Variants in MID1 observed in about 807,000 individuals in gnomAD.
The protein encoded by MID1 is E3 ubiquitin-protein ligase Midline-1.
Under a neutral mutation model 40.4 loss-of-function variants are expected in MID1, and 7 were observed. The ratio of observed to expected loss-of-function variants is 0.17; its 90% CI spans 0.10 to 0.33. MID1 has a LOEUF of 0.33. Among genes scored for constraint, MID1 ranks in the 10% least tolerant of loss-of-function variants. MID1 has a pLI of 1.00. For missense variants in MID1, 367 were observed against 558.5 expected, an observed-to-expected ratio of 0.66 and a Z score of 3.46; for synonymous variants, 229 against 221.2, an observed-to-expected ratio of 1.04 and a Z score of -0.31.
intron 1 of MID1, among the ~76,000 whole-genome samples, chrX:10,777,857 A>G (rs991220587): frequency 8.9e-6 from 1 of 111,773 alleles, no homozygotes; most frequent in African/African-American, 3.3e-5. Context: ...ACAAACATGC[A>G]CATTAGCCTA....
At chrX:10,542,072 C>T (rs944658475) in intron 2 of MID1, among the ~76,000 whole-genome samples, 2 of 112,149 alleles carry the variant, frequency 1.8e-5, no homozygotes, top group East Asian at 2.8e-4. Flanking sequence ...GTTAACAAAC[C>T]TGGATAATAT....
intron 1 of MID1, among the ~76,000 whole-genome samples, chrX:10,619,424 T>C (rs1389979952): frequency 8.8e-6 from 1 of 113,018 alleles, no homozygotes; most frequent in Non-Finnish European, 1.9e-5. Flanking sequence ...GGCATGTTTT[T>C]CCAGCCTTGT....
chrX:10,549,392 C>T (rs1269775923), intron 2 of MID1, among the ~76,000 whole-genome samples: 1 of 113,323 alleles, frequency 8.8e-6, no homozygotes, highest in Non-Finnish European at 1.9e-5. Context: ...TACTAACCAA[C>T]TGTGAGATCT....
At chrX:10,703,816 C>G (rs1010288206) in intron 1 of MID1, among the ~76,000 whole-genome samples, 5 of 111,798 alleles carry the variant, frequency 4.5e-5, no homozygotes, top group African/African-American at 1.6e-4. Flanking sequence ...ATCCTTTTTT[C>G]CAATATAATT....
At chrX:10,781,508 G>A (rs907107969) in intron 1 of MID1, among the ~76,000 whole-genome samples, 2 of 112,179 alleles carry the variant, frequency 1.8e-5, no homozygotes, top group African/African-American at 6.5e-5. Flanking sequence ...ATATTTCTCA[G>A]AGTCTTTCTA....
chrX:10,760,454 TC>T (rs1358492269), intron 1 of MID1, among the ~76,000 whole-genome samples: 1 of 111,853 alleles, frequency 8.9e-6, no homozygotes, highest in Non-Finnish European at 1.9e-5. Context: ...TTTTATACTG[TC>T]CCCACAAACA....
chrX:10,483,529 T>TAA (rs1930454805), intron 4 of MID1, among the ~76,000 whole-genome samples: 1 of 112,007 alleles, frequency 8.9e-6, no homozygotes, highest in African/African-American at 3.2e-5. Flanking sequence ...GAAGCCAAGT[T>TAA]AAAATTAGAC....
intron 1 of MID1, among the ~76,000 whole-genome samples, chrX:10,727,516 C>G (rs1348225821): frequency 8.9e-6 from 1 of 112,409 alleles, no homozygotes; most frequent in Non-Finnish European, 1.9e-5. Flanking sequence ...TTTGTCTTAA[C>G]TCTGCTAAAT....
Position 10,751,862 on chromosome X carries a change from C to T in MID1, c.-187+81692G>A, listed in dbSNP as rs764767364. Among the ~76,000 whole-genome samples the T allele has an allele frequency of 7.1e-4, 79 of 111,773 alleles. 1 individual carries two copies. The highest frequency in any genetic ancestry group is 1.4e-3 in the Non-Finnish European group (73 of 53,123). ...GGAACCCAGTAGGAGGTGGATCATG[C>T]GGGTGGATCACTCAAGAATGGCTTA... On this transcript the variant is annotated intron_variant, in intron 1 of 10. Coordinates refer to the MID1 transcript ENST00000380785.
chrX:10,747,047 G>A (rs1029235417), intron 1 of MID1, among the ~76,000 whole-genome samples: 19 of 111,156 alleles, frequency 1.7e-4, no homozygotes, highest in African/African-American at 5.9e-4. Context: ...GGAGAGAGTC[G>A]TGGTTGCACA....
chrX:10,566,257 C>A (rs768727781), intron 2 of MID1, among the ~76,000 whole-genome samples: 1 of 111,801 alleles, frequency 8.9e-6, no homozygotes, highest in Non-Finnish European at 1.9e-5. Flanking sequence ...AAAAGGAATT[C>A]TTTCGTGAAA....
intron 1 of MID1, among the ~76,000 whole-genome samples, chrX:10,763,072 T>C (rs1483722812): frequency 1.8e-5 from 2 of 110,780 alleles, no homozygotes; most frequent in East Asian, 2.8e-4. Flanking sequence ...ATCCCAAATA[T>C]GCAACTCTTC....
At chrX:10,753,215 G>A (rs760658901) in intron 1 of MID1, among the ~76,000 whole-genome samples, 98 of 112,005 alleles carry the variant, frequency 8.7e-4, no homozygotes, top group Middle Eastern at 4.6e-3. Context: ...TGAACAGTAT[G>A]CTATGTGCTG....
intron 1 of MID1, among the ~76,000 whole-genome samples, chrX:10,819,082 G>T (rs961257947): frequency 2.7e-5 from 3 of 111,472 alleles, no homozygotes; most frequent in Non-Finnish European, 3.8e-5. Context: ...TATATACATT[G>T]ATTTTATTTT....
chrX:10,727,830 G>C (rs1165718982), intron 1 of MID1, among the ~76,000 whole-genome samples: 1 of 111,887 alleles, frequency 8.9e-6, no homozygotes, highest in East Asian at 2.8e-4. Flanking sequence ...AGCAGTGCTG[G>C]CCTTTCCTGG....
At chrX:10,786,617 A>T (rs1221297046) in intron 1 of MID1, among the ~76,000 whole-genome samples, 6 of 110,973 alleles carry the variant, frequency 5.4e-5, no homozygotes, top group African/African-American at 2.0e-4. Flanking sequence ...GCCCATATAC[A>T]CCATGGAATA....
chrX:10,759,502 C>T (rs1361910751), intron 1 of MID1, among the ~76,000 whole-genome samples: 2 of 111,115 alleles, frequency 1.8e-5, no homozygotes, highest in Non-Finnish European at 3.8e-5. Context: ...CCTTCCTTCC[C>T]CTTTGTGATG....
At chrX:10,592,449 A>C (rs1935327799) in intron 1 of MID1, among the ~76,000 whole-genome samples, 1 of 109,730 alleles carries the variant, frequency 9.1e-6, no homozygotes, top group Non-Finnish European at 1.9e-5. Flanking sequence ...TAAATGGGAT[A>C]GAAAGCATTG....
chrX:10,507,482 C>T (rs928026193), intron 3 of MID1, among the ~76,000 whole-genome samples: 1 of 112,479 alleles, frequency 8.9e-6, no homozygotes, highest in African/African-American at 3.2e-5. Flanking sequence ...AGGGCCACTT[C>T]GTGAAAAGCA....
Sources: allele counts gnomAD v4.1 joint callset (sites outside exome capture counted in the v4.1 genomes callset), GRCh38; gene constraint gnomAD v4.1.1; transcripts MANE v1.5; gene names NCBI Gene and HGNC (gene_info 2026-07-23, HGNC 2026-07-21).